PPIL2: variants seen among roughly 807,000 people sequenced by gnomAD.
PPIL2 encodes peptidylprolyl isomerase like 2.
In PPIL2, 50 loss-of-function variants were observed where a neutral mutation model predicts 75.2. The observed-to-expected ratio is 0.66, with a 90% CI of 0.53 to 0.84. PPIL2 has a LOEUF of 0.84. Ranked by LOEUF, PPIL2 falls within the 40% of genes least tolerant of loss-of-function variation. PPIL2 has a pLI of 0.00. For synonymous variants in PPIL2, 245 were observed against 258.8 expected (o/e 0.95, Z 0.51); for missense variants, 590 against 685.0 (o/e 0.86, Z 1.55).
Position 21,693,820 on chromosome 22 carries a change from A to C in PPIL2, c.1144A>C (p.Ile382Leu). 2 of 1,539,362 alleles carry C rather than the reference A, an allele frequency of 1.3e-6. No individual in the cohort carries two copies. The highest frequency in any genetic ancestry group is 1.1e-5 in the South Asian group (1 of 89,534). ...GPNSNRSQFF[I>L]TFRSCAYLDK... is the part of the protein sequence containing the mutation. ...CCATCCAGCCCTCCTCCCCAGCTTC[A>C]TCACGTTTCGCTCCTGTGCCTACCT... Residue 382 changes from isoleucine (I) to leucine (L), a missense_variant, in exon 16 of 20, where the codon ATC becomes CTC. Transcript: ENST00000398831.
chr22:21,687,093 CTTG>C (rs2148552895), intron 12 of PPIL2, 95 bp downstream of exon 12: 2 of 1,197,294 alleles, frequency 1.7e-6, no homozygotes. Flanking sequence ...CTGGTATGTG[CTTG>C]TTGTAGGAAA....
At chr22:21,690,383 A>G (rs383538) in intron 15 of PPIL2, among the ~76,000 whole-genome samples, 49,790 of 129,490 alleles carry the variant, frequency 0.38, 8,527 homozygotes, top group East Asian at 0.45. Context: ...CCCTGTCTGG[A>G]AAAAAAAAAA....
chr22:21,687,253 G>A (rs555524125), intron 12 of PPIL2, among the ~76,000 whole-genome samples: 10 of 151,712 alleles, frequency 6.6e-5, no homozygotes, highest in African/African-American at 1.5e-4. Context: ...TCTCCCATGC[G>A]CTGTACTCTG....
rs188421001 is a variant in PPIL2 at position 21,692,794 on chromosome 22, C to T, written c.1140-1022C>T. ...CAAAAAAATTAGCTGGGCGTGATGG[C>T]GGGCGCCTGTAGTCCCAGCTACTCA... is the stretch of plus-strand genomic sequence containing the variant. On this transcript the variant is annotated intron_variant, in intron 15 of 19. Coordinates refer to ENST00000398831, the MANE Select transcript of PPIL2 (RefSeq NM_014337.4). Among the ~76,000 whole-genome samples, 1,076 of 151,528 alleles carry T rather than the reference C, an allele frequency of 7.1e-3. 5 individuals carry two copies. The highest frequency in any genetic ancestry group is 0.027 in the Middle Eastern group (8 of 294).
chr22:21,672,496 C>A, intron 5 of PPIL2, 115 bp downstream of exon 5: 1 of 1,061,666 alleles, frequency 9.4e-7, no homozygotes, highest in Non-Finnish European at 1.4e-6. Context: ...GTTCATGGGG[C>A]CCAGTGAGGA....
In PPIL2 at chr22:21,697,092, C is replaced by T; in HGVS notation, c.*1602C>T. 2.5e-6 allele frequency: 3 copies of T among 1,213,506 alleles called. No homozygotes were observed. The highest frequency in any genetic ancestry group is 3.4e-6 in the Non-Finnish European group (3 of 874,328). 75.2% of individuals were successfully genotyped at this position (1,213,506 alleles called of 1,614,324 possible). On this transcript the variant is annotated 3_prime_UTR_variant, in exon 20 of 20. Transcript: ENST00000398831. ...GTGACTTTTGACGCCCTCCATCCCT[C>T]CCGCCAGGCACTGTCCTCCGCAAGG... is the stretch of plus-strand genomic sequence containing the variant.
chr22:21,678,397 GT>G (rs1039788318), intron 6 of PPIL2, among the ~76,000 whole-genome samples: 1 of 151,848 alleles, frequency 6.6e-6, no homozygotes, highest in African/African-American at 2.4e-5. Flanking sequence ...CACCCAGCTA[GT>G]TTTTGTGTTT....
rs117996270 is a variant in PPIL2 at position 21,686,958 on chromosome 22, C to T, written c.857C>T (p.Thr286Ile). ...AAGAAGGGCTACGTGCGGCTGCACA[C>T]CAACAAGGGCGACCTCAACCTGGAG... ...VKKKGYVRLH[T>I]NKGDLNLELH... is the part of the protein sequence containing the mutation. The change falls in exon 12 of 20, where the codon ACC becomes ATC. Residue 286 changes from threonine (T) to isoleucine (I), a missense_variant. Transcript: ENST00000398831. 1.7e-4 allele frequency: 275 copies of T among 1,612,888 alleles called. No individual in the cohort carries two copies. Among genetic ancestry groups the T allele is most frequent in the Non-Finnish European group, 2.2e-4 (254 of 1,179,656 alleles).
In PPIL2 at chr22:21,695,861, G is replaced by T; in HGVS notation, c.*371G>T. 8.9e-7 allele frequency: 1 copy of T among 1,118,066 alleles called. No individual in the cohort carries two copies. The highest frequency in any genetic ancestry group is 1.1e-6 in the Non-Finnish European group (1 of 905,750). 69.3% of individuals were successfully genotyped at this position (1,118,066 alleles called of 1,614,324 possible). On this transcript the variant is annotated 3_prime_UTR_variant, in exon 20 of 20. Transcript: ENST00000398831. Reference sequence around the variant, plus strand: ...CTTTAAGACAGGGTCTTGCTCTGTTGCCCAGGCTCCAGTGCAGTGGTGTGA... The same window carrying T: ...CTTTAAGACAGGGTCTTGCTCTGTTTCCCAGGCTCCAGTGCAGTGGTGTGA...
At position 21,696,707 on chromosome 22, in the gene PPIL2, G is replaced by GT. The variant is rs2067948742; in HGVS notation, c.*1221dup. 6.5e-7 allele frequency: 1 copy of GT among 1,535,914 alleles called. No individual in the cohort carries two copies. On this transcript the variant is annotated 3_prime_UTR_variant, in exon 20 of 20. Transcript: ENST00000398831. ...AGCCCTAACTTAGGCCTTGTTCTTG[G>GT]TTTTCTCATTTTTGTTGCCCCAAAT... is the stretch of plus-strand genomic sequence containing the variant.
chr22:21,684,722 G>A (rs752726263), intron 9 of PPIL2, 31 bp from the exon 10 acceptor site: 60 of 1,608,698 alleles, frequency 3.7e-5, no homozygotes, highest in East Asian at 4.5e-5. Flanking sequence ...CTGGGGGCTC[G>A]GCGGCTCAGG....
intron 6 of PPIL2, among the ~76,000 whole-genome samples, chr22:21,680,844 A>AAC (rs1361240864): frequency 2.0e-5 from 3 of 148,022 alleles, no homozygotes; most frequent in East Asian, 3.9e-4. Context: ...AAAAAAAAAA[A>AAC]AAAAAAAAAC....
chr22:21,675,896 C>T (rs898020058), intron 6 of PPIL2, among the ~76,000 whole-genome samples: 33 of 152,278 alleles, frequency 2.2e-4, no homozygotes, highest in Admixed American at 5.9e-4. Flanking sequence ...GCCCATTACA[C>T]ACCTTCCGCT....
At chr22:21,685,573 C>G (rs2067322253) in intron 10 of PPIL2, 2 of 408,886 alleles carry the variant, frequency 4.9e-6, no homozygotes, top group Admixed American at 6.7e-5. Context: ...TCCAGTGTGT[C>G]ACTCCGTCTA....
rs36034657 is a variant in PPIL2 at position 21,690,733 on chromosome 22, G to A, written c.1139+1884G>A. ...GATAGCCACGTCTGTCATTTTGAGG[G>A]TGCATGTTCCCTCTTCACTGCTTGC... On this transcript the variant is annotated intron_variant, in intron 15 of 19. Coordinates refer to ENST00000398831, the MANE Select transcript of PPIL2 (RefSeq NM_014337.4). 3.1e-3 allele frequency among the ~76,000 whole-genome samples: 471 copies of A among 152,212 alleles called. 10 individuals are homozygous for A. Among genetic ancestry groups the A allele is most frequent in the Non-Finnish European group, 4.8e-3 (326 of 68,024 alleles).
chr22:21,695,275 A>C, intron 19 of PPIL2, 119 bp from the exon 20 acceptor site: 2 of 1,325,178 alleles, frequency 1.5e-6, no homozygotes, highest in Non-Finnish European at 2.1e-6. Flanking sequence ...ATTCAGGGGG[A>C]TGTGGGAGCA....
intron 6 of PPIL2, among the ~76,000 whole-genome samples, chr22:21,676,243 A>AGT (rs36131221): frequency 0.063 from 8,173 of 130,474 alleles, 271 homozygotes; most frequent in African/African-American, 0.086. Context: ...TGTGATCAGC[A>AGT]GTGTGTGTGT....
At chr22:21,693,724 C>G in intron 15 of PPIL2, 92 bp from the exon 16 acceptor site, 1 of 1,277,826 alleles carries the variant, frequency 7.8e-7, no homozygotes, top group Non-Finnish European at 1.1e-6. Flanking sequence ...CCAGAGCTGG[C>G]TGTAGAGGGT....
intron 6 of PPIL2, among the ~76,000 whole-genome samples, chr22:21,679,240 C>G (rs2067004474): frequency 6.6e-6 from 1 of 151,986 alleles, no homozygotes; most frequent in African/African-American, 2.4e-5. Flanking sequence ...TGAGGTTTCC[C>G]TATGTCACCC....
Sources: gnomAD v4.1 joint callset for allele counts (sites outside exome capture counted in the v4.1 genomes callset) on GRCh38, gnomAD v4.1.1 for gene constraint, MANE v1.5 for transcripts, NCBI Gene and HGNC (gene_info 2026-07-23, HGNC 2026-07-21) for gene names.